PLOD2: variants seen among roughly 807,000 people sequenced by gnomAD.
PLOD2 encodes the protein procollagen-lysine,2-oxoglutarate 5-dioxygenase 2.
Under a neutral mutation model 101.0 loss-of-function variants are expected in PLOD2, and 65 were observed. That is an observed-to-expected ratio of 0.64 (90% CI 0.53 to 0.79). The LOEUF is 0.79. PLOD2 is among the 30% of genes least tolerant of loss of function. The pLI, the probability that PLOD2 is intolerant of heterozygous loss-of-function variation, is 0.00. For synonymous variants in PLOD2, 314 were observed against 302.9 expected (o/e 1.04, Z -0.38); for missense variants, 909 against 914.6 (o/e 0.99, Z 0.08).
chr3:146,095,757 T>C (rs938173459), intron 7 of PLOD2, among the ~76,000 whole-genome samples: 6 of 152,092 alleles, frequency 3.9e-5, no homozygotes, highest in African/African-American at 7.2e-5. Context: ...CATATGCACA[T>C]GTATGTTTAT....
chr3:146,086,909 C>A lies in PLOD2; in HGVS notation c.1006-1G>T. ...TGATGTCCTTTTCATGATAAACTTC[C>A]TGTAACATATTTTAAAAATCAAAAA... On this transcript the variant is annotated splice_acceptor_variant, in intron 9 of 19. Coordinates refer to ENST00000282903, the MANE Select transcript of PLOD2 (RefSeq NM_182943.3). LOFTEE classifies it high-confidence loss of function. The A allele has an allele frequency of 6.7e-7, 1 of 1,488,384 alleles. No homozygotes were observed. Among genetic ancestry groups the A allele is most frequent in the South Asian group, 1.2e-5 (1 of 82,214 alleles). The allele number at this position is 1,488,384 out of a possible 1,614,324, so 92.2% of individuals were successfully genotyped here. A position where few individuals can be genotyped will look rare whatever the true frequency, so the allele number is the denominator to read the frequency against.
intron 7 of PLOD2, among the ~76,000 whole-genome samples, chr3:146,093,148 C>T (rs1241091927): frequency 6.6e-6 from 1 of 152,118 alleles, no homozygotes; most frequent in African/African-American, 2.4e-5. Flanking sequence ...TACCATTTTG[C>T]CAGATTCCTC....
intron 4 of PLOD2, among the ~76,000 whole-genome samples, chr3:146,108,442 C>T (rs938645473): frequency 2.0e-5 from 3 of 152,164 alleles, no homozygotes; most frequent in Non-Finnish European, 2.9e-5. Context: ...CTAGGCCTCC[C>T]AAAGTGCTGG....
chr3:146,092,042 T>C, intron 7 of PLOD2, 141 bp from the exon 8 acceptor site: 2 of 652,696 alleles, frequency 3.1e-6, no homozygotes, highest in South Asian at 3.3e-5. Flanking sequence ...CATCTGTAGG[T>C]GCACACTGAA....
intron 1 of PLOD2, among the ~76,000 whole-genome samples, chr3:146,141,193 C>T (rs1470360916): frequency 6.6e-6 from 1 of 151,742 alleles, no homozygotes; most frequent in South Asian, 2.1e-4. Context: ...TAATTACAAC[C>T]CCAAAAAAGG....
At position 146,160,906 on chromosome 3, in the gene PLOD2, C is replaced by T; in HGVS notation, c.84G>A (p.Ser28=). Reference sequence around the variant, plus strand: ...CTGTGGGGATGCTCGAGGGCTTCTCCGAGTCCGCACCCAGACAGGGATTCC... The same window carrying T: ...CTGTGGGGATGCTCGAGGGCTTCTCTGAGTCCGCACCCAGACAGGGATTCC... ...HPWNPCLGAD[S]EKPSSIPTDK... Residue 28 remains serine, a synonymous_variant, in exon 1 of 20, where the codon TCG becomes TCA. Transcript: ENST00000282903. 1 of 1,591,410 alleles carries T rather than the reference C, an allele frequency of 6.3e-7. No homozygotes were observed. Among genetic ancestry groups the T allele is most frequent in the Non-Finnish European group, 8.6e-7 (1 of 1,168,868 alleles).
At chr3:146,087,063 T>C (rs1296335513) in intron 9 of PLOD2, among the ~76,000 whole-genome samples, 155 bp from the exon 10 acceptor site, 1 of 151,936 alleles carries the variant, frequency 6.6e-6, no homozygotes, top group African/African-American at 2.4e-5. Flanking sequence ...CACGGTATAT[T>C]TAAATATCAC....
intron 3 of PLOD2, among the ~76,000 whole-genome samples, chr3:146,117,896 C>T (rs1478651755): frequency 6.6e-6 from 1 of 151,986 alleles, no homozygotes; most frequent in Non-Finnish European, 1.5e-5. Flanking sequence ...ATAGGTCCCT[C>T]ACTATACCAG....
intron 3 of PLOD2, among the ~76,000 whole-genome samples, chr3:146,119,679 G>A (rs1276975663): frequency 6.6e-6 from 1 of 151,760 alleles, no homozygotes; most frequent in Non-Finnish European, 1.5e-5. Context: ...ACCTATGAGT[G>A]AGAATATGCG....
intron 1 of PLOD2, among the ~76,000 whole-genome samples, chr3:146,127,828 G>A (rs2030662239): frequency 6.6e-6 from 1 of 152,080 alleles, no homozygotes; most frequent in Non-Finnish European, 1.5e-5. Context: ...TTTCACACCA[G>A]TCAGAATGGC....
chr3:146,100,315 A>C lies in PLOD2; in HGVS notation c.777+2440T>G, dbSNP rs1358802577. On this transcript the variant is annotated intron_variant, in intron 7 of 19. Coordinates refer to ENST00000282903, the MANE Select transcript of PLOD2 (RefSeq NM_182943.3). ...ATTTGTTGAAAGCGTAGTATTCGCT[A>C]CACATGTGCTGGACCCTGGGGAAAC... 1.6e-4 allele frequency among the ~76,000 whole-genome samples: 24 copies of C among 152,326 alleles called. No homozygotes were observed. The South Asian group carries it at 3.3e-3, about 21-fold the overall frequency.
At chr3:146,093,507 G>T (rs945061052) in intron 7 of PLOD2, among the ~76,000 whole-genome samples, 1 of 152,156 alleles carries the variant, frequency 6.6e-6, no homozygotes, top group Non-Finnish European at 1.5e-5. Context: ...TTAATCATTT[G>T]TGTTCTACAA....
intron 13 of PLOD2, 35 bp downstream of exon 13, chr3:146,079,081 A>T (rs752708746): frequency 6.2e-7 from 1 of 1,604,518 alleles, no homozygotes; most frequent in East Asian, 2.2e-5. Context: ...CCATCTTATA[A>T]GAACATTCAA....
chr3:146,113,381 G>T (rs1937739793), intron 3 of PLOD2, among the ~76,000 whole-genome samples: 2 of 152,046 alleles, frequency 1.3e-5, no homozygotes, highest in African/African-American at 4.8e-5. Context: ...AATTTATTTT[G>T]GCTGTAAAAA....
At chr3:146,084,583 A>T (rs1304863793) in intron 11 of PLOD2, among the ~76,000 whole-genome samples, 3 of 152,170 alleles carry the variant, frequency 2.0e-5, no homozygotes, top group Non-Finnish European at 4.4e-5. Flanking sequence ...TAGCAGGAGT[A>T]GTAAAAATGG....
At chr3:146,074,999 G>T (rs1214137570) in intron 15 of PLOD2, among the ~76,000 whole-genome samples, 1 of 151,376 alleles carries the variant, frequency 6.6e-6, no homozygotes, top group Non-Finnish European at 1.5e-5. Context: ...TACAATTCAG[G>T]ATATAATTCA....
intron 2 of PLOD2, among the ~76,000 whole-genome samples, chr3:146,121,738 C>A (rs1320453988): frequency 2.6e-5 from 4 of 152,120 alleles, no homozygotes; most frequent in Non-Finnish European, 2.9e-5. Flanking sequence ...ACCTTCTTTA[C>A]CTTATACATC....
chr3:146,071,114 A>T lies in PLOD2; in HGVS notation c.2049T>A (p.Ser683=), dbSNP rs1406528088. ...TAGAAGCATCATGATGAGGACGAAG[A>T]GAACGCTGTCGTTCAGGGGAGTATT... ...VVKYSPERQR[S]LRPHHDASTF... Residue 683 remains serine, a synonymous_variant, in exon 19 of 20, where the codon TCT becomes TCA. Transcript: ENST00000282903. 4 of 1,610,832 alleles carry T rather than the reference A, an allele frequency of 2.5e-6. No individual in the cohort carries two copies. Among genetic ancestry groups the T allele is most frequent in the Non-Finnish European group, 2.5e-6 (3 of 1,177,776 alleles).
intron 1 of PLOD2, among the ~76,000 whole-genome samples, chr3:146,125,079 C>A (rs911716214): frequency 8.7e-6 from 1 of 115,582 alleles, no homozygotes; most frequent in Admixed American, 8.5e-5. Flanking sequence ...GCCAAAAGGG[C>A]TGGAACATTT....
Sources: gnomAD v4.1 joint callset for allele counts (sites outside exome capture counted in the v4.1 genomes callset) on GRCh38, gnomAD v4.1.1 for gene constraint, MANE v1.5 for transcripts, NCBI Gene and HGNC (gene_info 2026-07-23, HGNC 2026-07-21) for gene names.